Variants in COL6A1 observed in about 807,000 individuals in gnomAD.
The protein encoded by COL6A1 is collagen alpha-1(VI) chain.
COL6A1 carries 80 observed loss-of-function variants against 145.6 expected under a neutral mutation model. The ratio of observed to expected loss-of-function variants is 0.55; its 90% CI spans 0.46 to 0.66. The LOEUF (loss-of-function observed/expected upper bound fraction) is 0.66. Ranked by LOEUF, COL6A1 falls within the 30% of genes least tolerant of loss-of-function variation. The pLI, the probability that COL6A1 is intolerant of heterozygous loss-of-function variation, is 0.00. For missense variants in COL6A1, 1,364 were observed against 1,473.8 expected (o/e 0.93, Z 1.22); for synonymous variants, 638 against 622.8 (o/e 1.02, Z -0.36).
Position 45,989,789 on chromosome 21 carries a change from C to T in COL6A1, c.930+11C>T. ...AGCCGTGGGGAGAAGGTGAGTGAGG[C>T]TCGACCTCGGAGCTGGTCTCTCCAG... On this transcript the variant is annotated intron_variant, in intron 11 of 34. Transcript: ENST00000361866. 3 of 1,612,842 alleles carry T rather than the reference C, an allele frequency of 1.9e-6. No individual in the cohort carries two copies. Among genetic ancestry groups the T allele is most frequent in the Non-Finnish European group, 1.7e-6 (2 of 1,179,996 alleles).
At position 45,998,105 on chromosome 21, in the gene COL6A1, T is replaced by C. The variant is rs2077816964; in HGVS notation, c.1525-16T>C. The C allele has an allele frequency of 6.2e-7, 1 of 1,611,584 alleles. No individual in the cohort carries two copies. Among genetic ancestry groups the C allele is most frequent in the Non-Finnish European group, 8.5e-7 (1 of 1,179,560 alleles). On this transcript the variant is annotated splice_polypyrimidine_tract_variant and intron_variant, in intron 22 of 34. Coordinates refer to ENST00000361866, the MANE Select transcript of COL6A1 (RefSeq NM_001848.3). ...CCAGGCCGATTCGCACGGTGACGGC[T>C]ACTCTGCTCCCCCAGGGAGAAGACG...
Position 45,997,713 on chromosome 21 carries a change from C to G in COL6A1, c.1475C>G (p.Ala492Gly). The change falls in exon 22 of 35, where the codon GCC becomes GGC. Residue 492 changes from alanine (A) to glycine (G), a missense_variant. Physicochemically the swap from Ala to Gly is moderately conservative, Grantham distance 60 (BLOSUM62 0). Transcript: ENST00000361866. ...GPPGSEGARG[A>G]PGPAGPPGDP... is the part of the protein sequence containing the mutation. The stretch of plus-strand genomic sequence containing the variant: ...CTTCCTCCTCAGGGTGCCAGAGGAG[C>G]CCCAGGACCTGCCGGACCCCCTGGA... 6.3e-7 allele frequency: 1 copy of G among 1,592,966 alleles called. No homozygotes were observed. The highest frequency in any genetic ancestry group is 8.5e-7 in the Non-Finnish European group (1 of 1,169,750).
At chr21:45,988,617 A>G (rs1478071578) in intron 8 of COL6A1, among the ~76,000 whole-genome samples, 1 of 152,124 alleles carries the variant, frequency 6.6e-6, no homozygotes, top group Non-Finnish European at 1.5e-5. Flanking sequence ...TTCTGGAGGT[A>G]GGAGGGTGAG....
intron 27 of COL6A1, among the ~76,000 whole-genome samples, chr21:45,999,918 G>GAAGACGTGA (rs1220584264): frequency 7.3e-3 from 22 of 3,030 alleles, no homozygotes; most frequent in South Asian, 0.01. Flanking sequence ...AGGATCATGG[G>GAAGACGTGA]GGACATGTGA....
At chr21:46,002,807 C>T in intron 33 of COL6A1, 97 bp downstream of exon 33, 2 of 1,393,816 alleles carry the variant, frequency 1.4e-6, no homozygotes, top group East Asian at 4.9e-5. Flanking sequence ...GCGGGGCCGC[C>T]CGGGCAGTCC....
At chr21:45,997,317 G>T in intron 20 of COL6A1, 104 bp from the exon 21 acceptor site, 1 of 1,066,802 alleles carries the variant, frequency 9.4e-7, no homozygotes, top group East Asian at 2.4e-5. Context: ...GCCAGAGCCT[G>T]GGGGCCCTGA....
rs1206650790 is a variant in COL6A1 at position 46,004,197 on chromosome 21, C to T, written c.*184C>T. 1.7e-5 allele frequency: 14 copies of T among 820,326 alleles called. No individual in the cohort carries two copies. Among genetic ancestry groups the T allele is most frequent in the Non-Finnish European group, 2.4e-5 (13 of 530,830 alleles). The allele number at this position is 820,326 out of a possible 1,614,324, so 50.8% of individuals were successfully genotyped here. ...TTGTGCAGGGTCCTCCGGGGCTCAG[C>T]CCTGAGTTGGCATCACCTGCGCAGG... On this transcript the variant is annotated 3_prime_UTR_variant, in exon 35 of 35. Coordinates refer to ENST00000361866, the MANE Select transcript of COL6A1 (RefSeq NM_001848.3).
intron 24 of COL6A1, 85 bp downstream of exon 24, chr21:45,998,518 A>G: frequency 6.4e-7 from 1 of 1,567,882 alleles, no homozygotes; most frequent in Non-Finnish European, 8.8e-7. Flanking sequence ...ACACATGTGC[A>G]CACAGGCTCC....
chr21:46,000,253 C>G, intron 27 of COL6A1, 78 bp from the exon 28 acceptor site: 2 of 1,582,886 alleles, frequency 1.3e-6, no homozygotes, highest in East Asian at 4.5e-5. Flanking sequence ...GGGAGGGTGA[C>G]CTGGAGATCC....
In COL6A1 at chr21:46,004,167, C is replaced by A; in HGVS notation, c.*154C>A. ...GAAAGCCAGGACACAACGCTGCTGC[C>A]TGCTTTGTGCAGGGTCCTCCGGGGC... On this transcript the variant is annotated 3_prime_UTR_variant, in exon 35 of 35. Transcript: ENST00000361866. 1 of 1,070,076 alleles carries A rather than the reference C, an allele frequency of 9.3e-7. No homozygotes were observed. Among genetic ancestry groups the A allele is most frequent in the Non-Finnish European group, 1.3e-6 (1 of 743,274 alleles). 66.3% of individuals were successfully genotyped at this position (1,070,076 alleles called of 1,614,324 possible). A position where few individuals can be genotyped will look rare whatever the true frequency, so the allele number is the denominator to read the frequency against.
chr21:45,988,785 C>T (rs2077757610), intron 8 of COL6A1, among the ~76,000 whole-genome samples: 1 of 152,156 alleles, frequency 6.6e-6, no homozygotes, highest in Non-Finnish European at 1.5e-5. Flanking sequence ...GCCCGAGTCC[C>T]ATGGCCATTT....
chr21:45,989,245 C>T (rs2077760095), intron 9 of COL6A1, 108 bp downstream of exon 9: 20 of 1,207,626 alleles, frequency 1.7e-5, no homozygotes, highest in South Asian at 5.8e-5. Flanking sequence ...CAAAGTCACA[C>T]TGCCTGTTCC....
Position 46,002,066 on chromosome 21 carries a change from A to G in COL6A1, c.2062A>G (p.Lys688Glu). 6.2e-7 allele frequency: 1 copy of G among 1,609,540 alleles called. No homozygotes were observed. Among genetic ancestry groups the G allele is most frequent in the Non-Finnish European group, 8.5e-7 (1 of 1,178,202 alleles). The change falls in exon 31 of 35, where the codon AAG (lysine) becomes GAG (glutamate). Residue 688 changes from lysine to glutamate, a missense_variant. Transcript: ENST00000361866. ...SPSIRNVQEL[K>E]EAIKSLQWMA... Reference sequence around the variant, plus strand: ...CAGCATCCGGAACGTGCAGGAGCTCAAGGAGTGAGTGCCCCACGCGGCCAG... The same window carrying G: ...CAGCATCCGGAACGTGCAGGAGCTCGAGGAGTGAGTGCCCCACGCGGCCAG...
In COL6A1 at chr21:45,992,764, G is replaced by C; in HGVS notation, c.1289G>C (p.Arg430Thr). The C allele has an allele frequency of 1.3e-6, 2 of 1,599,418 alleles. No homozygotes were observed. The highest frequency in any genetic ancestry group is 1.7e-6 in the Non-Finnish European group (2 of 1,173,738). Residue 430 changes from arginine (R) to threonine (T), a missense_variant, in exon 19 of 35, where the codon AGA (arginine) becomes ACA (threonine). Around this residue, in one of 3 missense-constraint regions of COL6A1, gnomAD observed 938 missense variants for 1,003.8 expected, o/e 0.93. Coordinates refer to ENST00000361866, the MANE Select transcript of COL6A1 (RefSeq NM_001848.3). ...TCCACTCAGGGTGGCCCTGGAGAGAGAGGACCACGGGGGACCCCAGGCACG... is the reference window on the plus strand; with the variant it reads ...TCCACTCAGGGTGGCCCTGGAGAGACAGGACCACGGGGGACCCCAGGCACG... Reference protein sequence around the residue: ...APGERGGPGERGPRGTPGTRG... With the variant: ...APGERGGPGETGPRGTPGTRG...
At chr21:45,992,507 C>A in intron 18 of COL6A1, 109 bp downstream of exon 18, 1 of 1,358,300 alleles carries the variant, frequency 7.4e-7, no homozygotes, top group Non-Finnish European at 1.0e-6. Flanking sequence ...GGCCTCCTGC[C>A]CAAGACAAAT....
chr21:45,998,365 A>T (rs1220434691), intron 23 of COL6A1, 33 bp from the exon 24 acceptor site: 2 of 1,612,544 alleles, frequency 1.2e-6, no homozygotes, highest in Non-Finnish European at 1.7e-6. Flanking sequence ...TCAAATCAGA[A>T]CCCGGTATCA....
chr21:45,984,220 T>C, intron 2 of COL6A1, 49 bp from the exon 3 acceptor site: 2 of 1,544,424 alleles, frequency 1.3e-6, no homozygotes, highest in East Asian at 2.4e-5. Flanking sequence ...CGGGTAGCGA[T>C]GGCGCCAGGG....
intron 18 of COL6A1, 64 bp downstream of exon 18, chr21:45,992,462 C>G (rs1172028225): frequency 2.5e-6 from 4 of 1,575,864 alleles, no homozygotes; most frequent in East Asian, 4.5e-5. Flanking sequence ...GTGGCCTCTG[C>G]GGCCCAGTCT....
chr21:46,000,523 C>T (rs1043383164), intron 28 of COL6A1, among the ~76,000 whole-genome samples, 156 bp downstream of exon 28: 4 of 152,176 alleles, frequency 2.6e-5, no homozygotes, highest in Non-Finnish European at 5.9e-5. Flanking sequence ...CCTCCAAAGC[C>T]CTCCCAGGCC....
Sources: gnomAD v4.1 joint callset for allele counts (sites outside exome capture counted in the v4.1 genomes callset) on GRCh38, gnomAD v4.1.1 for gene constraint, gnomAD v4.1.1 regional missense constraint, MANE v1.5 for transcripts, NCBI Gene and HGNC (gene_info 2026-07-23, HGNC 2026-07-21) for gene names.